CERKL: variants seen among roughly 807,000 people sequenced by gnomAD.
CERKL encodes ceramide kinase-like protein.
A neutral mutation model predicts 63.4 loss-of-function variants in CERKL; 61 were observed. The observed-to-expected ratio is 0.96, with a 90% CI of 0.78 to 1.19. CERKL has a LOEUF of 1.19. Among genes scored for constraint, CERKL ranks in the 50% most tolerant of loss-of-function variants. The pLI, the probability that CERKL is intolerant of heterozygous loss-of-function variation, is 0.00. For missense variants in CERKL, 675 were observed against 655.5 expected (o/e 1.03, Z -0.33); for synonymous variants, 250 against 230.5 (o/e 1.08, Z -0.77).
chr2:181,556,566 T>C (rs1438333779), intron 5 of CERKL, among the ~76,000 whole-genome samples: 9 of 152,272 alleles, frequency 5.9e-5, no homozygotes, highest in South Asian at 2.1e-4. Flanking sequence ...CTACAAAGGA[T>C]ATGAACTCAT....
chr2:181,573,687 A>C, intron 3 of CERKL, 66 bp downstream of exon 3: 1 of 1,487,506 alleles, frequency 6.7e-7, no homozygotes, highest in Non-Finnish European at 9.3e-7. Context: ...ATTAAGGACA[A>C]ATTCAGATTA....
At chr2:181,612,809 T>C (rs1686023036) in intron 1 of CERKL, among the ~76,000 whole-genome samples, 1 of 152,132 alleles carries the variant, frequency 6.6e-6, no homozygotes. Flanking sequence ...TATATTTATG[T>C]ATATATTACA....
intron 2 of CERKL, among the ~76,000 whole-genome samples, chr2:181,576,333 T>C (rs1684213263): frequency 6.6e-6 from 1 of 152,218 alleles, no homozygotes; most frequent in Non-Finnish European, 1.5e-5. Context: ...TCTTAAACTC[T>C]GTCCCTCATC....
At chr2:181,632,765 G>A (rs529925758) in intron 1 of CERKL, among the ~76,000 whole-genome samples, 1 of 152,274 alleles carries the variant, frequency 6.6e-6, no homozygotes, top group East Asian at 1.9e-4. Flanking sequence ...GGCTCCTCCA[G>A]GGCCTTGGAT....
chr2:181,619,968 A>G (rs1279157160), intron 1 of CERKL, among the ~76,000 whole-genome samples: 3 of 152,228 alleles, frequency 2.0e-5, no homozygotes, highest in African/African-American at 7.2e-5. Flanking sequence ...TAAGTCTGAA[A>G]GTTTACTTCT....
chr2:181,596,690 T>C (rs949555228), intron 2 of CERKL, among the ~76,000 whole-genome samples: 4 of 152,224 alleles, frequency 2.6e-5, no homozygotes, highest in Non-Finnish European at 5.9e-5. Context: ...TGGAAAGGTT[T>C]CTTTGGTTAA....
chr2:181,650,814 T>C (rs1302816787), intron 1 of CERKL, among the ~76,000 whole-genome samples: 1 of 150,780 alleles, frequency 6.6e-6, no homozygotes, highest in African/African-American at 2.4e-5. Context: ...CCAAAGTTGG[T>C]AGAAGTAAGG....
chr2:181,588,568 GTTCTC>G (rs1405803353), intron 2 of CERKL, among the ~76,000 whole-genome samples: 1 of 152,104 alleles, frequency 6.6e-6, no homozygotes, highest in Non-Finnish European at 1.5e-5. Flanking sequence ...CTAAAATACA[GTTCTC>G]TTCAATATAC....
chr2:181,559,642 T>G (rs138193960), intron 4 of CERKL, among the ~76,000 whole-genome samples: 97 of 152,300 alleles, frequency 6.4e-4, no homozygotes, highest in African/African-American at 2.1e-3. Context: ...GATTTAAGGC[T>G]GAGTCTCCTA....
intron 1 of CERKL, among the ~76,000 whole-genome samples, chr2:181,611,908 A>G (rs1042124800): frequency 1.3e-5 from 2 of 152,222 alleles, no homozygotes; most frequent in African/African-American, 4.8e-5. Context: ...CGATTGAAAA[A>G]AAGATTGTTT....
chr2:181,641,798 C>T (rs907828888), intron 1 of CERKL, among the ~76,000 whole-genome samples: 8 of 152,132 alleles, frequency 5.3e-5, no homozygotes, highest in Non-Finnish European at 1.2e-4. Context: ...CTCAGTCACA[C>T]TAGCCATGTT....
In CERKL at chr2:181,617,142, A is replaced by G. The variant is rs1008482475; in HGVS notation, c.239-13063T>C. On this transcript the variant is annotated intron_variant, in intron 1 of 12. Coordinates refer to ENST00000410087, the MANE Select transcript of CERKL (RefSeq NM_201548.5). ...AACTCAAACTCAGTTTAAAAAATCCAGTTTCATTTAACTGTTCTTGATGAA... is the reference window on the plus strand; with the variant it reads ...AACTCAAACTCAGTTTAAAAAATCCGGTTTCATTTAACTGTTCTTGATGAA... 5.0e-4 allele frequency: 76 copies of G among 152,344 alleles called. 1 individual carries two copies. Among genetic ancestry groups the G allele is most frequent in the African/African-American group, 1.7e-3 (72 of 41,578 alleles). The allele number at this position is 152,344 out of a possible 1,614,324, so 9.4% of individuals were successfully genotyped here.
chr2:181,564,050 C>T (rs1688559184), intron 4 of CERKL, among the ~76,000 whole-genome samples: 1 of 152,088 alleles, frequency 6.6e-6, no homozygotes. Context: ...ATTAGATTCT[C>T]ATCAAGAGCA....
chr2:181,539,864 T>G (rs1396389257), intron 11 of CERKL, among the ~76,000 whole-genome samples: 1 of 152,244 alleles, frequency 6.6e-6, no homozygotes, highest in East Asian at 1.9e-4. Context: ...CTTGCGTTTT[T>G]TCTTGTTTGC....
intron 1 of CERKL, among the ~76,000 whole-genome samples, chr2:181,625,909 C>T (rs369824808): frequency 4.6e-5 from 7 of 152,222 alleles, no homozygotes; most frequent in South Asian, 2.1e-4. Context: ...ATGCCTAAAA[C>T]GCTATATTGT....
chr2:181,596,546 T>C (rs1163679369), intron 2 of CERKL, among the ~76,000 whole-genome samples: 2 of 152,182 alleles, frequency 1.3e-5, no homozygotes, highest in Non-Finnish European at 2.9e-5. Context: ...TTTCCAAGCA[T>C]CCCATAAACC....
intron 2 of CERKL, among the ~76,000 whole-genome samples, chr2:181,593,523 T>C (rs1455823897): frequency 6.6e-6 from 1 of 151,754 alleles, no homozygotes; most frequent in Non-Finnish European, 1.5e-5. Context: ...AATTCCATCA[T>C]TTCCTTTTGG....
At chr2:181,627,736 G>C (rs1419080872) in intron 1 of CERKL, among the ~76,000 whole-genome samples, 1 of 152,154 alleles carries the variant, frequency 6.6e-6, no homozygotes, top group Non-Finnish European at 1.5e-5. Context: ...CTTTGCCGAA[G>C]AGGAAAACAT....
At chr2:181,604,399 A>T (rs748027570) in intron 1 of CERKL, among the ~76,000 whole-genome samples, 5 of 152,212 alleles carry the variant, frequency 3.3e-5, no homozygotes, top group Admixed American at 6.5e-5. Flanking sequence ...AAAATTCATC[A>T]TTTGTAATTT....
Sources: gnomAD v4.1 joint callset for allele counts (sites outside exome capture counted in the v4.1 genomes callset) on GRCh38, gnomAD v4.1.1 for gene constraint, MANE v1.5 for transcripts, NCBI Gene and HGNC (gene_info 2026-07-23, HGNC 2026-07-21) for gene names.